GPC5: variants seen among roughly 807,000 people sequenced by gnomAD.
The protein encoded by GPC5 is glypican-5.
Under a neutral mutation model 53.9 loss-of-function variants are expected in GPC5, and 47 were observed. The ratio of observed to expected loss-of-function variants is 0.87; its 90% confidence interval spans 0.69 to 1.11. GPC5 has a LOEUF of 1.11. GPC5 is among the 50% of genes most tolerant of loss of function. The probability of loss-of-function intolerance (pLI) is 0.00; values close to 1 mark genes in which losing one functional copy is unlikely to be tolerated. For synonymous variants in GPC5, 286 were observed against 263.3 expected (o/e 1.09, Z -0.84); for missense variants, 748 against 713.1 (o/e 1.05, Z -0.56).
At chr13:91,683,800 A>AC (rs2035561111) in intron 2 of GPC5, among the ~76,000 whole-genome samples, 1 of 152,184 alleles carries the variant, frequency 6.6e-6, no homozygotes, top group Non-Finnish European at 1.5e-5. Flanking sequence ...ATATGTGAAT[A>AC]TTCAGTAAAT....
chr13:92,207,337 A>T (rs773742653), intron 7 of GPC5, among the ~76,000 whole-genome samples: 1 of 152,256 alleles, frequency 6.6e-6, no homozygotes, highest in Non-Finnish European at 1.5e-5. Flanking sequence ...GAATTCTGAT[A>T]TAAAGTTTTA....
intron 6 of GPC5, among the ~76,000 whole-genome samples, chr13:92,084,299 T>C (rs2041319647): frequency 6.6e-6 from 1 of 152,146 alleles, no homozygotes; most frequent in Non-Finnish European, 1.5e-5. Flanking sequence ...ATATAACATA[T>C]CAGTTTTTTT....
intron 6 of GPC5, among the ~76,000 whole-genome samples, chr13:92,124,248 GAAAA>G (rs34042033): frequency 1.8e-5 from 1 of 54,982 alleles, no homozygotes; most frequent in African/African-American, 7.2e-5. Context: ...CGGACAGAAT[GAAAA>G]AAAAAAAAAA....
chr13:92,718,375 A>G (rs1446424131), intron 7 of GPC5, among the ~76,000 whole-genome samples: 1 of 152,216 alleles, frequency 6.6e-6, no homozygotes, highest in African/African-American at 2.4e-5. Flanking sequence ...AGCCACAAAA[A>G]GAATGAGATC....
intron 5 of GPC5, among the ~76,000 whole-genome samples, chr13:91,790,244 A>G (rs2037943709): frequency 6.6e-6 from 1 of 152,114 alleles, no homozygotes; most frequent in Admixed American, 6.6e-5. Flanking sequence ...TATGTTGAAG[A>G]TTTCTTTATA....
chr13:91,991,132 C>T (rs1164534929), intron 6 of GPC5, among the ~76,000 whole-genome samples: 5 of 152,200 alleles, frequency 3.3e-5, no homozygotes, highest in South Asian at 4.1e-4. Flanking sequence ...GAAGACACAA[C>T]TATGATGATC....
At chr13:92,700,868 C>T (rs534847891) in intron 7 of GPC5, among the ~76,000 whole-genome samples, 24 of 152,188 alleles carry the variant, frequency 1.6e-4, no homozygotes, top group African/African-American at 5.8e-4. Flanking sequence ...CAAAATTTTC[C>T]ATTCAGATCA....
chr13:92,565,918 T>C lies in GPC5; in HGVS notation c.1562-300364T>C, dbSNP rs189003589. 8.6e-4 allele frequency among the ~76,000 whole-genome samples: 131 copies of C among 152,180 alleles called. 1 individual carries two copies. The highest frequency in any genetic ancestry group is 3.0e-3 in the African/African-American group (123 of 41,570). ...TTAGAATGTGTCTCTCCTTCCTAATTTGACGTGAACTTTTTAGTGATCAAC... is the reference window on the plus strand; with the variant it reads ...TTAGAATGTGTCTCTCCTTCCTAATCTGACGTGAACTTTTTAGTGATCAAC... On this transcript the variant is annotated intron_variant, in intron 7 of 7. Coordinates refer to ENST00000377067, the MANE Select transcript of GPC5 (RefSeq NM_004466.6).
chr13:92,451,477 C>T (rs1426039012), intron 7 of GPC5, among the ~76,000 whole-genome samples: 3 of 151,378 alleles, frequency 2.0e-5, no homozygotes, highest in Non-Finnish European at 4.4e-5. Flanking sequence ...CTCAACACTT[C>T]AACAGATTAA....
chr13:92,038,795 C>T (rs1022712305), intron 6 of GPC5, among the ~76,000 whole-genome samples: 6 of 151,610 alleles, frequency 4.0e-5, no homozygotes, highest in African/African-American at 4.9e-5. Flanking sequence ...ACCAAATGAG[C>T]GAATGCAAAC....
chr13:92,169,657 A>C (rs1170614083), intron 7 of GPC5, among the ~76,000 whole-genome samples: 2 of 152,324 alleles, frequency 1.3e-5, no homozygotes, highest in South Asian at 2.1e-4. Flanking sequence ...TAACAAGGAA[A>C]ATTAAAACGT....
intron 7 of GPC5, among the ~76,000 whole-genome samples, chr13:92,498,597 C>T (rs903190251): frequency 2.6e-5 from 4 of 152,122 alleles, no homozygotes; most frequent in South Asian, 2.1e-4. Context: ...TGCCTGACCA[C>T]GACCTGATGG....
intron 7 of GPC5, among the ~76,000 whole-genome samples, chr13:92,764,990 C>CA (rs777442122): frequency 5.3e-5 from 8 of 152,078 alleles, no homozygotes; most frequent in Non-Finnish European, 8.8e-5. Context: ...AATATAATTG[C>CA]AAAAATACCT....
intron 7 of GPC5, among the ~76,000 whole-genome samples, chr13:92,573,688 T>C (rs775741271): frequency 1.7e-4 from 26 of 152,164 alleles, no homozygotes; most frequent in Non-Finnish European, 3.5e-4. Flanking sequence ...CAACAGAGCA[T>C]GTGTGAAGAC....
chr13:92,703,323 C>T (rs1474022977), intron 7 of GPC5, among the ~76,000 whole-genome samples: 1 of 151,324 alleles, frequency 6.6e-6, no homozygotes, highest in Non-Finnish European at 1.5e-5. Context: ...AATAGGAGAG[C>T]TCAATCTTTA....
At position 92,723,042 on chromosome 13, in the gene GPC5, T is replaced by C. The variant is rs367912505; in HGVS notation, c.1562-143240T>C. On this transcript the variant is annotated intron_variant, in intron 7 of 7. Coordinates refer to ENST00000377067, the MANE Select transcript of GPC5 (RefSeq NM_004466.6). ...GATTTTGAAATAGACAGAACCGGGT[T>C]TAAATCCCACTCATTAACATTTGTT... 7.2e-5 allele frequency among the ~76,000 whole-genome samples: 11 copies of C among 151,858 alleles called. 1 individual carries two copies. The East Asian group carries it at 1.9e-3, about 27-fold the overall frequency.
chr13:91,476,976 C>T (rs1882967798), intron 2 of GPC5, among the ~76,000 whole-genome samples: 1 of 152,102 alleles, frequency 6.6e-6, no homozygotes, highest in African/African-American at 2.4e-5. Flanking sequence ...GACCCCCACA[C>T]AGAAATTTTA....
intron 7 of GPC5, among the ~76,000 whole-genome samples, chr13:92,828,668 T>C (rs1317416137): frequency 6.6e-6 from 1 of 152,086 alleles, no homozygotes; most frequent in Non-Finnish European, 1.5e-5. Flanking sequence ...GCATACACCA[T>C]AGGAAAATTG....
At chr13:92,464,786 G>A (rs755666797) in intron 7 of GPC5, among the ~76,000 whole-genome samples, 4 of 151,788 alleles carry the variant, frequency 2.6e-5, no homozygotes, top group Admixed American at 6.6e-5. Flanking sequence ...TATGCTCAAC[G>A]TGTGTTTGTT....
Sources: allele counts gnomAD v4.1 joint callset (sites outside exome capture counted in the v4.1 genomes callset), GRCh38; gene constraint gnomAD v4.1.1; transcripts MANE v1.5; gene names NCBI Gene and HGNC (gene_info 2026-07-23, HGNC 2026-07-21).